Variants in PLK4 observed in about 807,000 individuals in gnomAD.
The protein encoded by PLK4 is polo like kinase 4.
PLK4 carries 51 observed loss-of-function variants against 103.0 expected under a neutral mutation model. That is an observed-to-expected ratio of 0.50 (90% CI 0.40 to 0.63). The LOEUF (loss-of-function observed/expected upper bound fraction) is 0.63. Among genes scored for constraint, PLK4 ranks in the 20% least tolerant of loss-of-function variants. The pLI is 0.00. For synonymous variants in PLK4, 389 were observed against 376.8 expected (o/e 1.03, Z -0.38); for missense variants, 1,054 against 1,151.0 (o/e 0.92, Z 1.22).
At chr4:127,887,824 A>G (rs976752635) in intron 6 of PLK4, among the ~76,000 whole-genome samples, 1 of 145,368 alleles carries the variant, frequency 6.9e-6, no homozygotes, top group African/African-American at 2.5e-5. Context: ...GCAGTGAGCT[A>G]TGATCACACT....
At chr4:127,891,284 T>C in intron 8 of PLK4, 88 bp downstream of exon 8, 1 of 674,974 alleles carries the variant, frequency 1.5e-6, no homozygotes, top group Non-Finnish European at 2.4e-6. Flanking sequence ...ATGATGTAAG[T>C]TTTTTTAAAA....
chr4:127,881,433 C>T, intron 1 of PLK4: 1 of 1,370,700 alleles, frequency 7.3e-7, no homozygotes, highest in South Asian at 1.5e-5. Flanking sequence ...CAATCCCGCC[C>T]GAGCTACCGC....
intron 5 of PLK4, 182 bp from the exon 6 acceptor site, chr4:127,887,214 C>T: frequency 2.0e-6 from 1 of 508,436 alleles, no homozygotes; most frequent in Non-Finnish European, 3.5e-6. Context: ...GTGCCCTGGG[C>T]ATTTTGGCAT....
At position 127,898,839 on chromosome 4, in the gene PLK4, G is replaced by T. The variant is rs972761713; in HGVS notation, c.*298G>T. 1.4e-5 allele frequency: 3 copies of T among 210,994 alleles called. No homozygotes were observed. Among genetic ancestry groups the T allele is most frequent in the Non-Finnish European group, 2.8e-5 (3 of 107,118 alleles). 13.1% of individuals were successfully genotyped at this position (210,994 alleles called of 1,614,324 possible). On this transcript the variant is annotated 3_prime_UTR_variant, in exon 16 of 16. Coordinates refer to ENST00000270861, the MANE Select transcript of PLK4 (RefSeq NM_014264.5). ...TTTTAAAAGCAAAAATGTAAATGAT[G>T]TGTAGTTTATTTGTGCTTTTATTGT...
At chr4:127,887,293 C>A in intron 5 of PLK4, 103 bp from the exon 6 acceptor site, 2 of 657,528 alleles carry the variant, frequency 3.0e-6, no homozygotes, top group Admixed American at 2.8e-5. Flanking sequence ...CTAAAATGTT[C>A]AGGTATTCAA....
intron 14 of PLK4, 111 bp downstream of exon 14, chr4:127,895,204 A>G (rs1735517374): frequency 2.6e-6 from 2 of 771,528 alleles, no homozygotes; most frequent in Non-Finnish European, 3.9e-6. Flanking sequence ...TCTTTTTACA[A>G]GGAAGTTTTT....
rs748506785 is a variant in PLK4, at chr4:127,892,539, T to C, written c.2188+25T>C. ...GGTAAGTACCATTTGGAAATGGTAA[T>C]TTGTTCCTTTAGTTTGTAATTTAGT... On this transcript the variant is annotated intron_variant, in intron 10 of 15. Transcript: ENST00000270861. 5 of 1,584,706 alleles carry C rather than the reference T, an allele frequency of 3.2e-6. No homozygotes were observed. In the East Asian group the frequency reaches 1.1e-4, roughly 36 times the overall value.
intron 9 of PLK4, chr4:127,891,970 T>C (rs571781734): frequency 9.0e-6 from 2 of 222,506 alleles, no homozygotes; most frequent in Non-Finnish European, 1.7e-5. Context: ...GCTATAGTTA[T>C]GTTAAAAAAA....
In PLK4 at chr4:127,885,835, T is replaced by C; in HGVS notation, c.465T>C (p.Phe155=). The C allele has an allele frequency of 6.2e-7, 1 of 1,614,102 alleles. No individual in the cohort carries two copies. Among genetic ancestry groups the C allele is most frequent in the Non-Finnish European group, 8.5e-7 (1 of 1,179,978 alleles). ...TRNMNIKIAD[F]GLATQLKMPH... is the part of the protein sequence containing the mutation. Reference sequence around the variant, plus strand: ...ATATGAACATCAAGATTGCTGATTTTGGGCTGGCAACTCAACTGAAAATGC... The same window carrying C: ...ATATGAACATCAAGATTGCTGATTTCGGGCTGGCAACTCAACTGAAAATGC... Residue 155 remains phenylalanine (F), a synonymous_variant, in exon 5 of 16, where the codon TTT becomes TTC. Coordinates refer to ENST00000270861, the MANE Select transcript of PLK4 (RefSeq NM_014264.5).
rs778794828 is a variant in PLK4 at position 127,883,571 on chromosome 4, T to C, written c.337+18T>C. On this transcript the variant is annotated intron_variant, in intron 4 of 15. Transcript: ENST00000270861. Reference sequence around the variant, plus strand: ...AAATGAAGGTAGGTGTGTGGTTTTTTTTGTTTGTTTTGTTTGGGTGGATAA... The same window carrying C: ...AAATGAAGGTAGGTGTGTGGTTTTTCTTGTTTGTTTTGTTTGGGTGGATAA... The C allele has an allele frequency of 2.8e-6, 3 of 1,061,792 alleles. No individual in the cohort carries two copies. In the Admixed American group the frequency reaches 6.2e-5, roughly 22 times the overall value. 65.8% of individuals were successfully genotyped at this position (1,061,792 alleles called of 1,614,324 possible). A position where few individuals can be genotyped will look rare whatever the true frequency, so the allele number is the denominator to read the frequency against.
rs748929210 is a variant in PLK4, at chr4:127,898,394, G to C, written c.2811-45G>C. The C allele has an allele frequency of 7.9e-6, 7 of 888,960 alleles. No homozygotes were observed. In the South Asian group the frequency reaches 8.5e-5, roughly 11 times the overall value. The allele number at this position is 888,960 out of a possible 1,614,324, so 55.1% of individuals were successfully genotyped here. On this transcript the variant is annotated intron_variant, in intron 15 of 15. Transcript: ENST00000270861. The stretch of plus-strand genomic sequence containing the variant: ...TTTTTGGGACTCTCATGAGAACCAA[G>C]TAATTCAGTTACGATTTTGTCTTTT...
In PLK4 at chr4:127,891,651, A is replaced by G; in HGVS notation, c.2008A>G (p.Ile670Val). 2.0e-6 allele frequency: 3 copies of G among 1,522,522 alleles called. No individual in the cohort carries two copies. The highest frequency in any genetic ancestry group is 8.9e-7 in the Non-Finnish European group (1 of 1,119,944). 94.3% of individuals were successfully genotyped at this position (1,522,522 alleles called of 1,614,324 possible). The change falls in exon 9 of 16, where the codon ATC becomes GTC. Residue 670 changes from isoleucine (I) to valine (V), a missense_variant. Physicochemically the swap from Ile to Val is conservative, Grantham distance 29. This residue lies in a region of PLK4 where 680 missense variants were observed against 660.3 expected (regional missense o/e 1.03). Transcript: ENST00000270861. ...TAGACCACCCTCACCTACTGACAAC[A>G]TCAGTAGGTACAGCTTTGACAATTT... ...ADRPPSPTDNISRYSFDNLPE... is the reference protein window; with the variant it reads ...ADRPPSPTDNVSRYSFDNLPE...
intron 7 of PLK4, 30 bp downstream of exon 7, chr4:127,890,266 A>G (rs1254844685): frequency 3.9e-6 from 6 of 1,523,540 alleles, no homozygotes; most frequent in Admixed American, 2.1e-5. Flanking sequence ...AAGTTACTAA[A>G]TAACATTTTA....
At chr4:127,889,046 G>T (rs887613251) in intron 6 of PLK4, among the ~76,000 whole-genome samples, 1 of 152,106 alleles carries the variant, frequency 6.6e-6, no homozygotes, top group Non-Finnish European at 1.5e-5. Flanking sequence ...ACTTGTCTGA[G>T]ATGGAGAAAT....
Position 127,898,968 on chromosome 4 carries a change from T to C in PLK4, c.*427T>C, listed in dbSNP as rs372789230. ...GTGTATTTATGTTATAAGTAACATATGTAAACATGTATATTTGTTTTATAT... is the reference window on the plus strand; with the variant it reads ...GTGTATTTATGTTATAAGTAACATACGTAAACATGTATATTTGTTTTATAT... On this transcript the variant is annotated 3_prime_UTR_variant, in exon 16 of 16. Transcript: ENST00000270861. 3.9e-5 allele frequency: 6 copies of C among 153,194 alleles called. No homozygotes were observed. Among genetic ancestry groups the C allele is most frequent in the East Asian group, 3.8e-4 (2 of 5,216 alleles). The allele number at this position is 153,194 out of a possible 1,614,324, so 9.5% of individuals were successfully genotyped here. A position where few individuals can be genotyped will look rare whatever the true frequency, so the allele number is the denominator to read the frequency against.
rs545991344 is a variant in PLK4 at position 127,886,527 on chromosome 4, A to G, written c.1157A>G (p.Asn386Ser). The G allele has an allele frequency of 6.8e-6, 11 of 1,614,016 alleles. No homozygotes were observed. Among genetic ancestry groups the G allele is most frequent in the South Asian group, 1.1e-5 (1 of 91,074 alleles). ...TCCTCTGATAGATCTGGCACTTCTA[A>G]TAGTCAGTCTCAAGCAAAAACATAT... ...AYSSDRSGTSNSQSQAKTYTM... is the reference protein window; with the variant it reads ...AYSSDRSGTSSSQSQAKTYTM... The change falls in exon 5 of 16, where the codon AAT (asparagine) becomes AGT (serine). Residue 386 changes from asparagine (N) to serine (S), a missense_variant. Physicochemically the swap from Asn to Ser is conservative, Grantham distance 46. This residue lies in a region of PLK4 where 680 missense variants were observed against 660.3 expected (regional missense o/e 1.03). Coordinates refer to ENST00000270861, the MANE Select transcript of PLK4 (RefSeq NM_014264.5).
chr4:127,897,824 CTTTTTTTTTTTTTTTT>C (rs200741150), intron 15 of PLK4, among the ~76,000 whole-genome samples: 94 of 28,804 alleles, frequency 3.3e-3, no homozygotes, highest in Admixed American at 6.4e-3. Flanking sequence ...AGAATTAGGG[CTTTTTTTTTTTTTTTT>C]TTTTTTTTTT....
In PLK4 at chr4:127,893,895, T is replaced by C. The variant is rs1358179570; in HGVS notation, c.2562+14T>C. ...CTTAATCCCTCTGTAAGTAAATATA[T>C]GTCACTTCTGTACTTTAAACCTTTC... On this transcript the variant is annotated intron_variant, in intron 13 of 15. Transcript: ENST00000270861. 2 of 1,291,260 alleles carry C rather than the reference T, an allele frequency of 1.5e-6. No individual in the cohort carries two copies. The highest frequency in any genetic ancestry group is 2.2e-6 in the Non-Finnish European group (2 of 889,358). 80.0% of individuals were successfully genotyped at this position (1,291,260 alleles called of 1,614,324 possible).
chr4:127,886,726 A>G lies in PLK4; in HGVS notation c.1356A>G (p.Ala452=). The G allele has an allele frequency of 6.3e-7, 1 of 1,581,956 alleles. No individual in the cohort carries two copies. Among genetic ancestry groups the G allele is most frequent in the South Asian group, 1.2e-5 (1 of 86,172 alleles). ...TTGAAAGACCTGATAACAATCAAGCACTGTAAGAATAATTCTATCAGAGGC... is the reference window on the plus strand; with the variant it reads ...TTGAAAGACCTGATAACAATCAAGCGCTGTAAGAATAATTCTATCAGAGGC... ...GSFERPDNNQ[A]LSNHLCPGKT... is the part of the protein sequence containing the mutation. Residue 452 remains alanine, a splice_region_variant and synonymous_variant, in exon 5 of 16, where the codon GCA becomes GCG. Coordinates refer to ENST00000270861, the MANE Select transcript of PLK4 (RefSeq NM_014264.5).
Sources: gnomAD v4.1 joint callset for allele counts (sites outside exome capture counted in the v4.1 genomes callset) on GRCh38, gnomAD v4.1.1 for gene constraint, gnomAD v4.1.1 regional missense constraint, MANE v1.5 for transcripts, NCBI Gene and HGNC (gene_info 2026-07-23, HGNC 2026-07-21) for gene names.